PDE1A: variants seen among roughly 807,000 people sequenced by gnomAD.
The protein encoded by PDE1A is phosphodiesterase 1A.
Under a neutral mutation model 61.7 loss-of-function variants are expected in PDE1A, and 35 were observed. The ratio of observed to expected loss-of-function variants is 0.57; its 90% CI spans 0.43 to 0.75. PDE1A has a LOEUF of 0.75. Among genes scored for constraint, PDE1A ranks in the 30% least tolerant of loss-of-function variants. PDE1A has a pLI of 0.00. For missense variants in PDE1A, 597 were observed against 630.6 expected, an observed-to-expected ratio of 0.95 and a Z score of 0.57; for synonymous variants, 232 against 213.2, an observed-to-expected ratio of 1.09 and a Z score of -0.77.
At chr2:182,498,261 T>C (rs1426925550) in intron 2 of PDE1A, among the ~76,000 whole-genome samples, 2 of 151,970 alleles carry the variant, frequency 1.3e-5, no homozygotes. Flanking sequence ...AAAAAGTCTA[T>C]TCATATAGAA....
At chr2:182,278,674 A>C (rs1693604998) in intron 1 of PDE1A, among the ~76,000 whole-genome samples, 1 of 151,982 alleles carries the variant, frequency 6.6e-6, no homozygotes, top group African/African-American at 2.4e-5. Flanking sequence ...ACAGTGATTC[A>C]TGTTGGTCCA....
chr2:182,468,062 T>A (rs1296711305), intron 2 of PDE1A, among the ~76,000 whole-genome samples: 1 of 152,016 alleles, frequency 6.6e-6, no homozygotes, highest in Admixed American at 6.6e-5. Flanking sequence ...TGGTAGAGAA[T>A]CTTTCTTCAG....
chr2:182,652,237 C>A, the PDE1A span, among the ~76,000 whole-genome samples: 49 of 152,076 alleles, frequency 3.2e-4, no homozygotes, highest in African/African-American at 1.1e-3. Flanking sequence ...ATTACCTGTC[C>A]CTTGACTATA....
chr2:182,651,749 T>C, the PDE1A span, among the ~76,000 whole-genome samples: 28 of 152,318 alleles, frequency 1.8e-4, no homozygotes, highest in Middle Eastern at 3.4e-3. Context: ...TAAACGCTTT[T>C]ACACATAGGT....
chr2:182,680,753 A>G, the PDE1A span, among the ~76,000 whole-genome samples: 1 of 152,206 alleles, frequency 6.6e-6, no homozygotes, highest in African/African-American at 2.4e-5. Context: ...TTCACCCAGG[A>G]AAGAATTCAA....
intron 2 of PDE1A, among the ~76,000 whole-genome samples, chr2:182,492,568 T>G (rs1322063792): frequency 1.9e-5 from 1 of 52,584 alleles, no homozygotes; most frequent in Non-Finnish European, 4.4e-5. Context: ...TGATGAAAAT[T>G]ATTTACGGTT....
At chr2:182,365,298 T>C (rs1395376075) in intron 1 of PDE1A, among the ~76,000 whole-genome samples, 1 of 152,020 alleles carries the variant, frequency 6.6e-6, no homozygotes. Flanking sequence ...AGGTGATTCC[T>C]CTTTTGCAAG....
chr2:182,235,577 G>A (rs994657472), intron 3 of PDE1A, among the ~76,000 whole-genome samples: 1 of 152,222 alleles, frequency 6.6e-6, no homozygotes, highest in Non-Finnish European at 1.5e-5. Context: ...AGCCTAGCAT[G>A]TGATATAGTA....
rs561591018 is a variant in PDE1A, at chr2:182,361,193, C to T, written c.53+65385G>A. Reference sequence around the variant, plus strand: ...TAACACTTGCTTTTTTCTAACATCACTATGAGGATTCTGTTATTAACATGA... The same window carrying T: ...TAACACTTGCTTTTTTCTAACATCATTATGAGGATTCTGTTATTAACATGA... On this transcript the variant is annotated intron_variant, in intron 1 of 13. Coordinates refer to ENST00000351439, the Ensembl canonical transcript of PDE1A. Among the ~76,000 whole-genome samples, 6 of 152,140 alleles carry T rather than the reference C, an allele frequency of 3.9e-5. No homozygotes were observed. The South Asian group carries it at 1.2e-3, about 32-fold the overall frequency.
At chr2:182,417,679 A>C (rs957871373) in intron 1 of PDE1A, among the ~76,000 whole-genome samples, 2 of 152,214 alleles carry the variant, frequency 1.3e-5, no homozygotes, top group African/African-American at 4.8e-5. Context: ...AATCTTATCA[A>C]AATGTTTTAC....
At chr2:182,616,200 G>A in the PDE1A span, among the ~76,000 whole-genome samples, 1 of 152,194 alleles carries the variant, frequency 6.6e-6, no homozygotes, top group Non-Finnish European at 1.5e-5. Context: ...TCAGTGAGAT[G>A]CTGAGGATCA....
At chr2:182,585,530 A>G in the PDE1A span, among the ~76,000 whole-genome samples, 30 of 152,218 alleles carry the variant, frequency 2.0e-4, no homozygotes, top group Non-Finnish European at 2.9e-4. Context: ...TCTTAAAAAA[A>G]TTGATAGTCT....
chr2:182,354,434 T>C (rs1699065186), intron 1 of PDE1A, among the ~76,000 whole-genome samples: 2 of 152,122 alleles, frequency 1.3e-5, no homozygotes, highest in African/African-American at 4.8e-5. Context: ...GAAAATCACG[T>C]TTTCTGCCTT....
chr2:182,425,788 G>T (rs774665965), intron 1 of PDE1A, among the ~76,000 whole-genome samples: 1 of 151,992 alleles, frequency 6.6e-6, no homozygotes, highest in Non-Finnish European at 1.5e-5. Context: ...TTATTTTGTG[G>T]AAAGACAAAA....
the PDE1A span, among the ~76,000 whole-genome samples, chr2:182,696,987 A>G: frequency 6.6e-5 from 10 of 152,170 alleles, no homozygotes; most frequent in African/African-American, 1.7e-4. Flanking sequence ...AGTTTTTTCT[A>G]TCTTGAGCTT....
At chr2:182,467,350 T>C (rs924872899) in intron 2 of PDE1A, among the ~76,000 whole-genome samples, 36 of 151,908 alleles carry the variant, frequency 2.4e-4, no homozygotes, top group African/African-American at 6.8e-4. Flanking sequence ...AAATATCACA[T>C]GAAGAACATT....
rs544309902 is a variant in PDE1A at position 182,169,174 on chromosome 2, T to G, written c.1517-884A>C. Among the ~76,000 whole-genome samples, 5 of 152,190 alleles carry G rather than the reference T, an allele frequency of 3.3e-5. No individual in the cohort carries two copies. In the East Asian group the frequency reaches 9.7e-4, roughly 29 times the overall value. Reference sequence around the variant, plus strand: ...GGCTACATATGGGTTTTAGAACAATTCTAAACTCATTGAAATTAGGTTTCT... The same window carrying G: ...GGCTACATATGGGTTTTAGAACAATGCTAAACTCATTGAAATTAGGTTTCT... On this transcript the variant is annotated intron_variant, in intron 13 of 13. Transcript: ENST00000351439.
chr2:182,586,193 A>T, the PDE1A span, among the ~76,000 whole-genome samples: 2 of 152,172 alleles, frequency 1.3e-5, no homozygotes, highest in East Asian at 3.8e-4. Context: ...TTATTTTTTT[A>T]AACTTCAAAA....
chr2:182,693,161 T>C, the PDE1A span, among the ~76,000 whole-genome samples: 7 of 152,308 alleles, frequency 4.6e-5, no homozygotes, highest in African/African-American at 7.2e-5. Context: ...CTATGAATCT[T>C]TGTTTCAAAT....
Sources: allele counts gnomAD v4.1 joint callset (sites outside exome capture counted in the v4.1 genomes callset), GRCh38; gene constraint gnomAD v4.1.1; transcripts MANE v1.5; gene names NCBI Gene and HGNC (gene_info 2026-07-23, HGNC 2026-07-21).